Variants in PPP6R1 observed in about 807,000 individuals in gnomAD.
PPP6R1 encodes protein phosphatase 6 regulatory subunit 1, also known as serine/threonine-protein phosphatase 6 regulatory subunit 1.
PPP6R1 carries 39 observed loss-of-function variants against 104.6 expected under a neutral mutation model. That is an observed-to-expected ratio of 0.37 (90% confidence interval 0.29 to 0.49). The LOEUF (loss-of-function observed/expected upper bound fraction) is 0.49. PPP6R1 is among the 20% of genes least tolerant of loss of function. The pLI, the probability that PPP6R1 is intolerant of heterozygous loss-of-function variation, is 0.98. For missense variants in PPP6R1, 1,181 were observed against 1,155.8 expected (o/e 1.02, Z -0.32); for synonymous variants, 549 against 479.0 (o/e 1.15, Z -1.91).
chr19:55,243,344 T>G (rs1600111255), intron 5 of PPP6R1, among the ~76,000 whole-genome samples: 1 of 131,052 alleles, frequency 7.6e-6, no homozygotes, highest in African/African-American at 3.0e-5. Flanking sequence ...ACCTGGGAGG[T>G]GGAGGCTGCA....
At chr19:55,244,509 C>A (rs2087488704) in intron 5 of PPP6R1, among the ~76,000 whole-genome samples, 1 of 152,212 alleles carries the variant, frequency 6.6e-6, no homozygotes, top group South Asian at 2.1e-4. Context: ...CCAGGCCCAG[C>A]AATAGCACAG....
rs1022906849 is a variant in PPP6R1 at position 55,238,880 on chromosome 19, T to C, written c.1751+525A>G. 3 of 161,662 alleles carry C rather than the reference T, an allele frequency of 1.9e-5. 1 individual carries two copies. Among genetic ancestry groups the C allele is most frequent in the Admixed American group, 1.2e-4 (2 of 16,504 alleles). 10.0% of individuals were successfully genotyped at this position (161,662 alleles called of 1,614,324 possible). The stretch of plus-strand genomic sequence containing the variant: ...GATCATAACACCCAGAGGTGACTGA[T>C]ATTAAGATGTGGTTGACCCACAAAT... On this transcript the variant is annotated intron_variant, in intron 15 of 23. Coordinates refer to ENST00000412770, the MANE Select transcript of PPP6R1 (RefSeq NM_014931.4).
intron 17 of PPP6R1, among the ~76,000 whole-genome samples, chr19:55,233,417 A>G (rs910995363): frequency 6.6e-6 from 1 of 152,192 alleles, no homozygotes; most frequent in African/African-American, 2.4e-5. Flanking sequence ...TGTTCTTGCC[A>G]CTTCTGTTCA....
chr19:55,256,346 G>A (rs913576854), intron 1 of PPP6R1, among the ~76,000 whole-genome samples: 6 of 152,326 alleles, frequency 3.9e-5, no homozygotes, highest in South Asian at 4.1e-4. Flanking sequence ...CCCATGCACT[G>A]GAGGACACTT....
rs1220167372 is a variant in PPP6R1 at position 55,240,097 on chromosome 19, C to T, written c.1379G>A (p.Arg460Gln). 2 of 1,589,118 alleles carry T rather than the reference C, an allele frequency of 1.3e-6. No homozygotes were observed. The highest frequency in any genetic ancestry group is 1.7e-6 in the Non-Finnish European group (2 of 1,168,840). ...NDRVQCAGGP[R>Q]KGYMGHLTRV... ...TGTCAGGTGACCCATGTAGCCTTTC[C>T]GAGGGCCTCCCGCACACCTGGCAAG... The change falls in exon 12 of 24, where the codon CGG becomes CAG. Residue 460 changes from arginine to glutamine, a missense_variant. Transcript: ENST00000412770.
chr19:55,243,290 G>C (rs927417588), intron 5 of PPP6R1, among the ~76,000 whole-genome samples: 3 of 151,702 alleles, frequency 2.0e-5, no homozygotes, highest in African/African-American at 7.3e-5. Flanking sequence ...GTAGGCGCCT[G>C]TAGTCCCAGC....
rs917234693 is a variant in PPP6R1 at position 55,230,604 on chromosome 19, C to T, written c.2642+9G>A. On this transcript the variant is annotated intron_variant, in intron 23 of 23. Transcript: ENST00000412770. ...CACCTACCCAGCCCGAGGCTGCAGC[C>T]ACACTCACTGGGAGCCTGGGGATGC... is the stretch of plus-strand genomic sequence containing the variant. 5.6e-6 allele frequency: 9 copies of T among 1,612,594 alleles called. No individual in the cohort carries two copies. The Admixed American group carries it at 1.0e-4, about 18-fold the overall frequency.
Position 55,240,299 on chromosome 19 carries a change from A to C in PPP6R1, c.1298T>G (p.Leu433Arg). The C allele has an allele frequency of 6.3e-7, 1 of 1,589,750 alleles. No homozygotes were observed. Among genetic ancestry groups the C allele is most frequent in the Non-Finnish European group, 8.6e-7 (1 of 1,169,026 alleles). Residue 433 changes from leucine to arginine, a missense_variant and splice_region_variant, in exon 11 of 24, where the codon CTG (leucine) becomes CGG (arginine). Leu to Arg is a moderately radical substitution (Grantham distance 102). Transcript: ENST00000412770. ...CTCCACCAGGCGGCACTGCTGCAGC[A>C]GCTGCGGGAGAGCGGGACAGGATGG... ...TPIQNPVVKH[L>R]LQQCRLVERI...
Position 55,241,827 on chromosome 19 carries a change from T to C in PPP6R1, c.846-188A>G, listed in dbSNP as rs572686016. On this transcript the variant is annotated intron_variant, in intron 7 of 23. Coordinates refer to ENST00000412770, the MANE Select transcript of PPP6R1 (RefSeq NM_014931.4). This position sits in a 1 kb window ranked among gnomAD's most constrained non-coding sequence, Gnocchi z 5.4. ...GTGGGGAGCCCGCCAGGCGGCAGCA[T>C]TGGCAGTCCACTGTGAGAGCACGGG... 2.2e-4 allele frequency among the ~76,000 whole-genome samples: 33 copies of C among 152,214 alleles called. No individual in the cohort carries two copies. Among genetic ancestry groups the C allele is most frequent in the African/African-American group, 7.0e-4 (29 of 41,544 alleles).
chr19:55,234,630 GGTATTCACAGCGGCC>G (rs1041130321), intron 17 of PPP6R1, among the ~76,000 whole-genome samples: 167 of 151,730 alleles, frequency 1.1e-3, no homozygotes, highest in African/African-American at 3.9e-3. Context: ...CACGTGCAAG[GGTATTCACAGCGGCC>G]GCACTCACAG....
rs533028494 is a variant in PPP6R1, at chr19:55,248,468, C to G, written c.-6-1359G>C. Reference sequence around the variant, plus strand: ...GCTAAGGCAGAGGCCACTGCTACCCCCAAGTCACTACAGAGGATGCTGAGA... The same window carrying G: ...GCTAAGGCAGAGGCCACTGCTACCCGCAAGTCACTACAGAGGATGCTGAGA... On this transcript the variant is annotated intron_variant, in intron 1 of 23. Coordinates refer to ENST00000412770, the MANE Select transcript of PPP6R1 (RefSeq NM_014931.4). Among the ~76,000 whole-genome samples the G allele has an allele frequency of 1.4e-4, 21 of 152,380 alleles. No individual in the cohort carries two copies. In the South Asian group the frequency reaches 4.1e-3, roughly 30 times the overall value.
chr19:55,228,515 C>T (rs758557501), downstream of PPP6R1: 30 of 1,573,076 alleles, frequency 1.9e-5, no homozygotes, highest in Middle Eastern at 3.6e-4. Context: ...TGGCTCCTGT[C>T]CCACCCCCAC....
chr19:55,230,579 C>T, intron 23 of PPP6R1, 34 bp downstream of exon 23: 1 of 1,613,376 alleles, frequency 6.2e-7, no homozygotes, highest in East Asian at 2.2e-5. Context: ...GGCCCAGCCC[C>T]ACCTACCCAG....
Position 55,230,673 on chromosome 19 carries a change from A to G in PPP6R1, c.2582T>C (p.Leu861Pro), listed in dbSNP as rs775572552. 7 of 1,599,974 alleles carry G rather than the reference A, an allele frequency of 4.4e-6. No homozygotes were observed. The Admixed American group carries it at 1.0e-4, about 24-fold the overall frequency. ...GCCATTGGGTATCGGAGGAGGCGTG[A>G]GGGCCTGGGCACTGTCAGGGGAGAG... is the stretch of plus-strand genomic sequence containing the variant. ...GLPQSQSAQALTPPPIPNGSA... is the reference protein window; with the variant it reads ...GLPQSQSAQAPTPPPIPNGSA... The change falls in exon 23 of 24, where the codon CTC (leucine) becomes CCC (proline). Residue 861 changes from leucine to proline, a missense_variant. Coordinates refer to ENST00000412770, the MANE Select transcript of PPP6R1 (RefSeq NM_014931.4).
chr19:55,230,121 G>C lies in PPP6R1; in HGVS notation c.*407C>G, dbSNP rs1007660629. 2 of 195,744 alleles carry C rather than the reference G, an allele frequency of 1.0e-5. No individual in the cohort carries two copies. Among genetic ancestry groups the C allele is most frequent in the Admixed American group, 1.1e-4 (2 of 18,704 alleles). The allele number at this position is 195,744 out of a possible 1,614,324, so 12.1% of individuals were successfully genotyped here. On this transcript the variant is annotated 3_prime_UTR_variant, in exon 24 of 24. Transcript: ENST00000412770. ...TCTGCGCTGCAGCGTGGGACAGCTG[G>C]GCACGTGGGTGGCAACCTTGGGACC...
intron 2 of PPP6R1, 73 bp downstream of exon 2, chr19:55,246,804 G>A: frequency 7.6e-7 from 1 of 1,309,200 alleles, no homozygotes; most frequent in Non-Finnish European, 1.0e-6. Context: ...TTTCAGGGTA[G>A]CTGTGAGGCT....
Position 55,239,676 on chromosome 19 carries a change from G to A in PPP6R1, c.1571C>T (p.Thr524Ile), listed in dbSNP as rs1030682955. 2.5e-6 allele frequency: 4 copies of A among 1,610,824 alleles called. No individual in the cohort carries two copies. Among genetic ancestry groups the A allele is most frequent in the Non-Finnish European group, 1.7e-6 (2 of 1,178,390 alleles). ...NKKNMVDLVNTHHLHSSSDDE... is the reference protein window; with the variant it reads ...NKKNMVDLVNIHHLHSSSDDE... ...GTCACTGGAGGAGTGTAGGTGGTGG[G>A]TGTTCACCTGGGGAGAGGAGGGGGC... The change falls in exon 14 of 24, where the codon ACC (threonine) becomes ATC (isoleucine). Residue 524 changes from threonine (T) to isoleucine (I), a missense_variant. Transcript: ENST00000412770.
chr19:55,239,235 G>A (rs1018361207), intron 15 of PPP6R1, 170 bp downstream of exon 15: 25 of 637,912 alleles, frequency 3.9e-5, no homozygotes, highest in Admixed American at 1.5e-4. Context: ...GCAGACACAC[G>A]AGGCTGCAGA....
chr19:55,238,400 G>A (rs572234404), intron 15 of PPP6R1, among the ~76,000 whole-genome samples: 1 of 152,294 alleles, frequency 6.6e-6, no homozygotes, highest in African/African-American at 2.4e-5. Context: ...CTTACGCTGT[G>A]CTGTACAGGG....
Sources: allele counts gnomAD v4.1 joint callset (sites outside exome capture counted in the v4.1 genomes callset), GRCh38; gene constraint gnomAD v4.1.1; non-coding constraint Gnocchi (gnomAD v3.1); transcripts MANE v1.5; gene names NCBI Gene and HGNC (gene_info 2026-07-23, HGNC 2026-07-21).